Variants in DLG2 observed in about 807,000 individuals in gnomAD.
DLG2 encodes disks large homolog 2.
A neutral mutation model predicts 132.5 loss-of-function variants in DLG2; 45 were observed. The ratio of observed to expected loss-of-function variants is 0.34; its 90% CI spans 0.27 to 0.44. DLG2 has a LOEUF of 0.44. Ranked by LOEUF, DLG2 falls within the 20% of genes least tolerant of loss-of-function variation. DLG2 has a pLI of 1.00. For synonymous variants in DLG2, 424 were observed against 419.6 expected, an observed-to-expected ratio of 1.01 and a Z score of -0.13; for missense variants, 1,045 against 1,196.9, an observed-to-expected ratio of 0.87 and a Z score of 1.87.
chr11:84,769,446 T>C (rs2068922192), intron 6 of DLG2, among the ~76,000 whole-genome samples: 1 of 152,104 alleles, frequency 6.6e-6, no homozygotes, highest in African/African-American at 2.4e-5. Context: ...ATACATATTT[T>C]TAATGAACAA....
At chr11:83,795,617 G>T (rs1390352163) in intron 17 of DLG2, among the ~76,000 whole-genome samples, 1 of 152,100 alleles carries the variant, frequency 6.6e-6, no homozygotes, top group Non-Finnish European at 1.5e-5. Context: ...ATGTGAAGAT[G>T]AGTGGTTTAC....
chr11:85,484,025 C>T (rs1013982714), intron 3 of DLG2, among the ~76,000 whole-genome samples: 1 of 145,172 alleles, frequency 6.9e-6, no homozygotes, highest in Non-Finnish European at 1.5e-5. Context: ...GGGTGGTAAA[C>T]TCCATTTAAG....
At chr11:85,372,958 GA>G (rs547759551) in intron 3 of DLG2, among the ~76,000 whole-genome samples, 16 of 152,264 alleles carry the variant, frequency 1.1e-4, no homozygotes, top group African/African-American at 3.6e-4. Context: ...GAACCCTTGG[GA>G]CTCCTTTAAA....
At chr11:84,934,967 C>A (rs2048567601) in intron 6 of DLG2, among the ~76,000 whole-genome samples, 1 of 152,110 alleles carries the variant, frequency 6.6e-6, no homozygotes, top group African/African-American at 2.4e-5. Context: ...ACTTCGAATT[C>A]ATTATTGCCA....
chr11:85,087,081 A>G (rs2068029520), intron 6 of DLG2, among the ~76,000 whole-genome samples: 2 of 152,180 alleles, frequency 1.3e-5, no homozygotes, highest in Admixed American at 1.3e-4. Context: ...GGATGAATTC[A>G]TCATTAAACA....
intron 7 of DLG2, among the ~76,000 whole-genome samples, chr11:84,443,460 CAGCTTTAATGCTATT>C (rs1407860522): frequency 6.6e-6 from 1 of 152,026 alleles, no homozygotes. Flanking sequence ...AGAATATGTC[CAGCTTTAATGCTATT>C]CATTACAAAT....
chr11:85,410,676 G>A (rs138553725), intron 3 of DLG2, among the ~76,000 whole-genome samples: 22 of 151,850 alleles, frequency 1.4e-4, no homozygotes, highest in African/African-American at 4.3e-4. Context: ...TTTGCTAAAC[G>A]CTGAAAATGT....
chr11:85,067,699 C>A (rs1261799155), intron 6 of DLG2, among the ~76,000 whole-genome samples: 1 of 151,842 alleles, frequency 6.6e-6, no homozygotes, highest in East Asian at 1.9e-4. Context: ...CCGAATTCTA[C>A]CAGAGGTACA....
At chr11:83,789,809 G>A (rs571496366) in intron 17 of DLG2, among the ~76,000 whole-genome samples, 29 of 152,294 alleles carry the variant, frequency 1.9e-4, no homozygotes, top group African/African-American at 6.3e-4. Context: ...GCCTTCCAAC[G>A]TGCTGGGATT....
At chr11:84,139,445 G>C (rs943571924) in intron 9 of DLG2, among the ~76,000 whole-genome samples, 6 of 152,114 alleles carry the variant, frequency 3.9e-5, no homozygotes, top group Non-Finnish European at 7.4e-5. Flanking sequence ...AAAGGGAAGA[G>C]ATTGACGCTG....
At chr11:85,595,524 G>A (rs180998911) in intron 3 of DLG2, among the ~76,000 whole-genome samples, 26 of 152,168 alleles carry the variant, frequency 1.7e-4, no homozygotes, top group African/African-American at 6.3e-4. Context: ...GCATATTGCT[G>A]TTTCAGGGTT....
At chr11:84,201,092 T>C (rs1015222741) in intron 8 of DLG2, among the ~76,000 whole-genome samples, 2 of 152,188 alleles carry the variant, frequency 1.3e-5, no homozygotes, top group Non-Finnish European at 1.5e-5. Context: ...TTGTCACATA[T>C]GGCTCTTATT....
chr11:84,697,438 T>C (rs2058731566), intron 6 of DLG2, among the ~76,000 whole-genome samples: 1 of 151,558 alleles, frequency 6.6e-6, no homozygotes, highest in Non-Finnish European at 1.5e-5. Context: ...AATTATTCAG[T>C]TTCATGAAAC....
intron 6 of DLG2, among the ~76,000 whole-genome samples, chr11:84,650,873 G>GTGTA (rs1424393386): frequency 1.9e-4 from 24 of 123,984 alleles, no homozygotes; most frequent in East Asian, 9.3e-4. Context: ...GTGTGTGTGT[G>GTGTA]TATATATATA....
chr11:83,613,328 A>G (rs1432403820), intron 19 of DLG2, among the ~76,000 whole-genome samples: 1 of 152,234 alleles, frequency 6.6e-6, no homozygotes. Context: ...ACACACACAT[A>G]TGCGCACACT....
At chr11:85,154,799 A>G (rs2077485670) in intron 4 of DLG2, 148 bp from the exon 5 acceptor site, 1 of 532,142 alleles carries the variant, frequency 1.9e-6, no homozygotes, top group Non-Finnish European at 3.3e-6. Flanking sequence ...TGAATGTACT[A>G]TCTAACCCAT....
intron 4 of DLG2, among the ~76,000 whole-genome samples, chr11:85,191,134 C>T (rs2080499034): frequency 6.7e-6 from 1 of 149,774 alleles, no homozygotes; most frequent in Admixed American, 6.6e-5. Flanking sequence ...AATCATTTGT[C>T]TATATGCATG....
At chr11:83,647,347 C>T (rs1278744933) in intron 18 of DLG2, among the ~76,000 whole-genome samples, 1 of 151,990 alleles carries the variant, frequency 6.6e-6, no homozygotes, top group Non-Finnish European at 1.5e-5. Flanking sequence ...AGCATTTTAC[C>T]CCCACCATCG....
At chr11:84,092,993 G>A (rs2097115349) in intron 10 of DLG2, among the ~76,000 whole-genome samples, 1 of 147,728 alleles carries the variant, frequency 6.8e-6, no homozygotes, top group Non-Finnish European at 1.5e-5. Flanking sequence ...CCGAGATTGC[G>A]CCACTGCACT....
Sources: allele counts gnomAD v4.1 joint callset (sites outside exome capture counted in the v4.1 genomes callset), GRCh38; gene constraint gnomAD v4.1.1; transcripts MANE v1.5; gene names NCBI Gene and HGNC (gene_info 2026-07-23, HGNC 2026-07-21).